Variants in LGR4 observed in about 807,000 individuals in gnomAD.
LGR4 encodes the protein leucine rich repeat containing G protein-coupled receptor 4.
In LGR4, 44 loss-of-function variants were observed where a neutral mutation model predicts 84.8. That is an observed-to-expected ratio of 0.52 (90% CI 0.41 to 0.67). LGR4 has a LOEUF of 0.67. Among genes scored for constraint, LGR4 ranks in the 30% least tolerant of loss-of-function variants. The pLI, the probability that LGR4 is intolerant of heterozygous loss-of-function variation, is 0.00. For synonymous variants in LGR4, 429 were observed against 434.3 expected, an observed-to-expected ratio of 0.99 and a Z score of 0.15; for missense variants, 1,032 against 1,131.4, an observed-to-expected ratio of 0.91 and a Z score of 1.26.
Position 27,415,756 on chromosome 11 carries a change from A to G in LGR4, c.186-2896T>C, listed in dbSNP as rs185234139. 2.0e-5 allele frequency among the ~76,000 whole-genome samples: 3 copies of G among 152,182 alleles called. No homozygotes were observed. The East Asian group carries it at 5.8e-4, about 29-fold the overall frequency. On this transcript the variant is annotated intron_variant, in intron 1 of 17. Transcript: ENST00000379214. ...GGTGTGGGGGCAGTGGTGAGCTACA[A>G]GATGTTATCTCCGGAGAAGCTCTGG...
intron 2 of LGR4, among the ~76,000 whole-genome samples, chr11:27,401,960 AAAGG>A (rs1340500956): frequency 1.3e-5 from 2 of 152,212 alleles, no homozygotes; most frequent in African/African-American, 4.8e-5. Context: ...GGGGCTTGGA[AAAGG>A]AAGATCAGAG....
chr11:27,378,070 T>C (rs543643124), intron 11 of LGR4, among the ~76,000 whole-genome samples: 2 of 152,326 alleles, frequency 1.3e-5, no homozygotes, highest in Non-Finnish European at 2.9e-5. Context: ...TGTGTAAGCA[T>C]ACTCTATGAT....
At chr11:27,401,756 C>A (rs1863508635) in intron 2 of LGR4, among the ~76,000 whole-genome samples, 1 of 152,148 alleles carries the variant, frequency 6.6e-6, no homozygotes, top group South Asian at 2.1e-4. Context: ...TTTGTCTTAA[C>A]CCCTCCCTCA....
At position 27,373,626 on chromosome 11, in the gene LGR4, C is replaced by T. The variant is rs1862925149; in HGVS notation, c.1304G>A (p.Gly435Glu). 1 of 1,599,184 alleles carries T rather than the reference C, an allele frequency of 6.3e-7. No homozygotes were observed. Among genetic ancestry groups the T allele is most frequent in the Non-Finnish European group, 8.5e-7 (1 of 1,171,114 alleles). ...GCCCACAAGTTTCAGTTGATTTAGC[C>T]CATTCAGGCCTTCCGTAGGAAAGGA... ...LTSFPTEGLNGLNQLKLVGNF... is the reference protein window; with the variant it reads ...LTSFPTEGLNELNQLKLVGNF... Residue 435 changes from glycine to glutamate, a missense_variant, in exon 15 of 18, where the codon GGG becomes GAG. Transcript: ENST00000379214.
Position 27,472,229 on chromosome 11 carries a change from G to A in LGR4, c.74C>T (p.Ala25Val), listed in dbSNP as rs1225722464. 1.7e-6 allele frequency: 2 copies of A among 1,196,546 alleles called. No individual in the cohort carries two copies. Among genetic ancestry groups the A allele is most frequent in the East Asian group, 8.7e-5 (2 of 22,992 alleles). 74.1% of individuals were successfully genotyped at this position (1,196,546 alleles called of 1,614,324 possible). ...GCAGGGCGCCGCGCAGAGAGGCGGC[G>A]CCGCGCCGCTGGGCCCGGCCGAGCC... ...LLGSAGPSGAAPPLCAAPCSC... is the reference protein window; with the variant it reads ...LLGSAGPSGAVPPLCAAPCSC... The change falls in exon 1 of 18, where the codon GCG becomes GTG. Residue 25 changes from alanine (A) to valine (V), a missense_variant. By Grantham distance (64) the Ala-to-Val change is moderately conservative. Transcript: ENST00000379214.
rs554467899 is a variant in LGR4 at position 27,410,924 on chromosome 11, T to C, written c.257+1865A>G. Among the ~76,000 whole-genome samples the C allele has an allele frequency of 1.1e-4, 16 of 152,232 alleles. No homozygotes were observed. In the East Asian group the frequency reaches 1.4e-3, roughly 13 times the overall value. ...TGGCAGAATTCATGAGGTTGGCATA[T>C]GGTTGGTCATTTGAGATTTTAAGAA... On this transcript the variant is annotated intron_variant, in intron 2 of 17. Transcript: ENST00000379214.
At chr11:27,377,419 A>G (rs1863005996) in intron 11 of LGR4, among the ~76,000 whole-genome samples, 196 bp from the exon 12 acceptor site, 1 of 152,044 alleles carries the variant, frequency 6.6e-6, no homozygotes, top group Non-Finnish European at 1.5e-5. Flanking sequence ...TAAGATTGAT[A>G]AAGTTCAAGA....
At position 27,376,342 on chromosome 11, in the gene LGR4, T is replaced by C; in HGVS notation, c.1138A>G (p.Ile380Val). Residue 380 changes from isoleucine to valine, a missense_variant, in exon 13 of 18, where the codon ATA (isoleucine) becomes GTA (valine). By Grantham distance (29) the Ile-to-Val change is conservative. Transcript: ENST00000379214. ...ISLQRNQIYQ[I>V]KEGTFQGLIS... ...AGGCCTTGAAAGGTGCCTTCCTTTA[T>C]TTGGTAGATTTGATTACGCTGTAAA... 6.4e-7 allele frequency: 1 copy of C among 1,572,714 alleles called. No individual in the cohort carries two copies. Among genetic ancestry groups the C allele is most frequent in the Non-Finnish European group, 8.7e-7 (1 of 1,147,682 alleles).
intron 2 of LGR4, among the ~76,000 whole-genome samples, chr11:27,412,387 C>T (rs372608497): frequency 6.6e-6 from 1 of 152,138 alleles, no homozygotes; most frequent in South Asian, 2.1e-4. Context: ...AATTGTTGCT[C>T]ATGGCCCTGA....
At chr11:27,452,010 G>A (rs1018141184) in intron 1 of LGR4, among the ~76,000 whole-genome samples, 13 of 151,984 alleles carry the variant, frequency 8.6e-5, no homozygotes, top group African/African-American at 2.9e-4. Context: ...TGAAGCTGGG[G>A]GAAAAAATGG....
intron 1 of LGR4, among the ~76,000 whole-genome samples, chr11:27,466,035 C>T (rs1365071018): frequency 1.3e-5 from 2 of 152,124 alleles, no homozygotes; most frequent in Non-Finnish European, 2.9e-5. Context: ...ACTTGAAGGC[C>T]GCACGGGACG....
At chr11:27,394,064 G>A (rs531595087) in intron 2 of LGR4, among the ~76,000 whole-genome samples, 80 of 151,856 alleles carry the variant, frequency 5.3e-4, no homozygotes, top group African/African-American at 1.9e-3. Context: ...ATTCTCAGGC[G>A]ATACCACCAA....
In LGR4 at chr11:27,393,952, G is replaced by T. The variant is rs1002167024; in HGVS notation, c.258-1434C>A. 6.9e-5 allele frequency among the ~76,000 whole-genome samples: 8 copies of T among 115,542 alleles called. 1 individual carries two copies. Among genetic ancestry groups the T allele is most frequent in the South Asian group, 4.5e-4 (1 of 2,208 alleles). 75.8% of individuals were successfully genotyped at this position (115,542 alleles called of 152,430 possible). ...TGCACTGAAGATTGGGGGGGGGGGG[G>T]GGCGCGGGAAGGGGACAGAAAAGCA... is the stretch of plus-strand genomic sequence containing the variant. On this transcript the variant is annotated intron_variant, in intron 2 of 17. Coordinates refer to ENST00000379214, the MANE Select transcript of LGR4 (RefSeq NM_018490.5).
In LGR4 at chr11:27,399,614, G is replaced by A. The variant is rs537960738; in HGVS notation, c.258-7096C>T. Reference sequence around the variant, plus strand: ...TGCTCACTGCAACCTCAGCCTCCTGGGTTCAAGCAATTCTCCTGCCTCAGC... The same window carrying A: ...TGCTCACTGCAACCTCAGCCTCCTGAGTTCAAGCAATTCTCCTGCCTCAGC... On this transcript the variant is annotated intron_variant, in intron 2 of 17. Coordinates refer to ENST00000379214, the MANE Select transcript of LGR4 (RefSeq NM_018490.5). 7.8e-4 allele frequency among the ~76,000 whole-genome samples: 118 copies of A among 151,888 alleles called. 1 individual carries two copies. The South Asian group carries it at 9.6e-3, about 12-fold the overall frequency.
At chr11:27,421,986 T>C (rs926600815) in intron 1 of LGR4, among the ~76,000 whole-genome samples, 4 of 151,800 alleles carry the variant, frequency 2.6e-5, no homozygotes, top group African/African-American at 4.9e-5. Context: ...AAAACTATAA[T>C]ATTCCTTGTT....
Position 27,368,469 on chromosome 11 carries a change from G to C in LGR4, c.2254C>G (p.Leu752Val), listed in dbSNP as rs1862811323. The change falls in exon 18 of 18, where the codon CTA becomes GTA. Residue 752 changes from leucine (L) to valine (V), a missense_variant. Transcript: ENST00000379214. The part of the protein sequence containing the change: ...QSSMIKHVAW[L>V]IFTNCIFFCP... Reference sequence around the variant, plus strand: ...AAAAAGATGCAATTGGTGAAGATTAGCCAAGCGACATGCTTAATCATGCTA... The same window carrying C: ...AAAAAGATGCAATTGGTGAAGATTACCCAAGCGACATGCTTAATCATGCTA... 6.2e-7 allele frequency: 1 copy of C among 1,614,196 alleles called. No homozygotes were observed. Among genetic ancestry groups the C allele is most frequent in the Non-Finnish European group, 8.5e-7 (1 of 1,180,020 alleles).
At chr11:27,415,864 T>A (rs1467731716) in intron 1 of LGR4, among the ~76,000 whole-genome samples, 1 of 152,048 alleles carries the variant, frequency 6.6e-6, no homozygotes, top group Admixed American at 6.6e-5. Context: ...CTATAGATAG[T>A]CTTAAGAGTA....
At chr11:27,455,871 C>T (rs1308913438) in intron 1 of LGR4, among the ~76,000 whole-genome samples, 1 of 152,194 alleles carries the variant, frequency 6.6e-6, no homozygotes, top group East Asian at 1.9e-4. Context: ...GCCATGGTTT[C>T]TCCATCTCTA....
intron 1 of LGR4, among the ~76,000 whole-genome samples, chr11:27,435,972 G>A (rs191912683): frequency 1.3e-3 from 198 of 150,462 alleles, no homozygotes; most frequent in Admixed American, 3.2e-3. Context: ...GTGCAGTGGC[G>A]CGATCTGGGG....
Sources: allele counts gnomAD v4.1 joint callset (sites outside exome capture counted in the v4.1 genomes callset), GRCh38; gene constraint gnomAD v4.1.1; transcripts MANE v1.5; gene names NCBI Gene and HGNC (gene_info 2026-07-23, HGNC 2026-07-21).